PIK3C2G: variants seen among roughly 807,000 people sequenced by gnomAD.
PIK3C2G encodes the protein phosphatidylinositol-4-phosphate 3-kinase catalytic subunit type 2 gamma.
A neutral mutation model predicts 181.1 loss-of-function variants in PIK3C2G; 168 were observed. The observed-to-expected ratio is 0.93, with a 90% CI of 0.82 to 1.05. The LOEUF (loss-of-function observed/expected upper bound fraction) is 1.05. Ranked by LOEUF, PIK3C2G falls within the 50% of genes least tolerant of loss-of-function variation. The probability of loss-of-function intolerance (pLI) is 0.00; values close to 1 mark genes in which losing one functional copy is unlikely to be tolerated. For synonymous variants in PIK3C2G, 573 were observed against 592.2 expected (o/e 0.97, Z 0.47); for missense variants, 1,869 against 1,732.8 (o/e 1.08, Z -1.40).
At chr12:18,380,648 G>T (rs1178461248) in intron 13 of PIK3C2G, among the ~76,000 whole-genome samples, 1 of 152,132 alleles carries the variant, frequency 6.6e-6, no homozygotes, top group Non-Finnish European at 1.5e-5. Context: ...AAACAAAGAA[G>T]ACCCAAAATT....
chr12:18,707,460 C>T, the PIK3C2G span, among the ~76,000 whole-genome samples: 1 of 152,186 alleles, frequency 6.6e-6, no homozygotes, highest in Admixed American at 6.5e-5. Context: ...GATCCTCTTT[C>T]TTTTATCTTC....
At chr12:18,603,800 C>A (rs998050890) in intron 30 of PIK3C2G, among the ~76,000 whole-genome samples, 2 of 152,122 alleles carry the variant, frequency 1.3e-5, no homozygotes, top group African/African-American at 4.8e-5. Flanking sequence ...AAGATACAGT[C>A]TTTTTCAGAC....
At chr12:18,571,474 A>G (rs1370822640) in intron 29 of PIK3C2G, among the ~76,000 whole-genome samples, 1 of 150,832 alleles carries the variant, frequency 6.6e-6, no homozygotes, top group Non-Finnish European at 1.5e-5. Context: ...TTATACATCT[A>G]ACTACTTCTC....
the PIK3C2G span, among the ~76,000 whole-genome samples, chr12:18,723,151 A>G: frequency 6.6e-6 from 1 of 152,052 alleles, no homozygotes; most frequent in African/African-American, 2.4e-5. Flanking sequence ...AAAGGTATCA[A>G]TTCTATAAAA....
In PIK3C2G at chr12:18,431,962, G is replaced by C. The variant is rs12312841; in HGVS notation, c.2504+7923G>C. ...CAACCTGAAGGAAAAGAGGCAGATA[G>C]TGGTAACAAGGTTTCCTTTGTACAC... On this transcript the variant is annotated intron_variant, in intron 18 of 32. Transcript: ENST00000538779. Among the ~76,000 whole-genome samples, 516 of 152,292 alleles carry C rather than the reference G, an allele frequency of 3.4e-3. 2 individuals are homozygous for C. Among genetic ancestry groups the C allele is most frequent in the African/African-American group, 0.012 (481 of 41,564 alleles).
chr12:18,674,855 A>G, the PIK3C2G span, among the ~76,000 whole-genome samples: 1 of 152,108 alleles, frequency 6.6e-6, no homozygotes, highest in Admixed American at 6.6e-5. Flanking sequence ...CGCTTAGAAC[A>G]CTTCCACCAG....
At chr12:18,454,530 G>A (rs994669414) in intron 18 of PIK3C2G, among the ~76,000 whole-genome samples, 11 of 152,156 alleles carry the variant, frequency 7.2e-5, no homozygotes, top group African/African-American at 2.7e-4. Flanking sequence ...AAAAGATCAT[G>A]CAGGGTCTTG....
At chr12:18,309,313 T>A (rs1438444851) in intron 5 of PIK3C2G, among the ~76,000 whole-genome samples, 1 of 151,810 alleles carries the variant, frequency 6.6e-6, no homozygotes, top group East Asian at 1.9e-4. Context: ...CCATAAAATA[T>A]CAAAAAGTTC....
chr12:18,437,817 A>G (rs1946528769), intron 18 of PIK3C2G, among the ~76,000 whole-genome samples: 1 of 151,990 alleles, frequency 6.6e-6, no homozygotes, highest in Admixed American at 6.6e-5. Flanking sequence ...TAGATATTAT[A>G]GGGACAGCTG....
At chr12:18,383,991 T>TA (rs1592122574) in intron 14 of PIK3C2G, among the ~76,000 whole-genome samples, 7 of 146,752 alleles carry the variant, frequency 4.8e-5, no homozygotes, top group African/African-American at 1.8e-4. Context: ...ATTATTATTT[T>TA]TTTTTTTTTT....
At chr12:18,582,669 C>T (rs1443263410) in intron 29 of PIK3C2G, among the ~76,000 whole-genome samples, 3 of 152,168 alleles carry the variant, frequency 2.0e-5, no homozygotes, top group Admixed American at 2.0e-4. Flanking sequence ...GAATTTCAGT[C>T]AGTCACTACG....
intron 16 of PIK3C2G, among the ~76,000 whole-genome samples, chr12:18,408,140 T>C (rs1167520225): frequency 1.3e-5 from 2 of 152,176 alleles, no homozygotes; most frequent in Non-Finnish European, 2.9e-5. Context: ...TCTTTGCCCA[T>C]GACTATGTTC....
intron 24 of PIK3C2G, among the ~76,000 whole-genome samples, chr12:18,529,180 C>T (rs563436906): frequency 6.6e-6 from 1 of 150,428 alleles, no homozygotes. Flanking sequence ...ATATTAAATT[C>T]ATACCTTTAA....
chr12:18,367,002 C>A, intron 12 of PIK3C2G, among the ~76,000 whole-genome samples: 1 of 152,016 alleles, frequency 6.6e-6, no homozygotes, highest in East Asian at 1.9e-4. Flanking sequence ...CAGTAACTAT[C>A]CACTGTAACT....
intron 11 of PIK3C2G, among the ~76,000 whole-genome samples, chr12:18,356,342 A>C (rs1027083840): frequency 7.9e-5 from 12 of 152,158 alleles, no homozygotes; most frequent in African/African-American, 2.7e-4. Flanking sequence ...CATAGCTCTC[A>C]GCCCCTCACA....
intron 31 of PIK3C2G, among the ~76,000 whole-genome samples, chr12:18,632,781 G>A (rs1221758024): frequency 6.6e-6 from 1 of 152,154 alleles, no homozygotes; most frequent in African/African-American, 2.4e-5. Flanking sequence ...TTCTATTCAG[G>A]ATTTGATGCA....
intron 25 of PIK3C2G, among the ~76,000 whole-genome samples, chr12:18,542,159 C>G (rs1944189115): frequency 6.6e-6 from 1 of 151,772 alleles, no homozygotes; most frequent in Non-Finnish European, 1.5e-5. Context: ...TCAGACCTTA[C>G]AGAAGAAGCC....
chr12:18,608,556 GT>G lies in PIK3C2G; in HGVS notation c.4088-978del, dbSNP rs1442282673. Among the ~76,000 whole-genome samples, 770 of 126,544 alleles carry G rather than the reference GT, an allele frequency of 6.1e-3. 1 individual carries two copies. Among genetic ancestry groups the G allele is most frequent in the Middle Eastern group, 0.013 (3 of 234 alleles). 83.0% of individuals were successfully genotyped at this position (126,544 alleles called of 152,430 possible). On this transcript the variant is annotated intron_variant, in intron 30 of 32. Transcript: ENST00000538779. Reference sequence around the variant, plus strand: ...GGAGCATCACACACTGGGGCCTGTTGTGGGGTGGGGGGAGGGGGGAGGAATA... The same window carrying G: ...GGAGCATCACACACTGGGGCCTGTTGGGGGTGGGGGGAGGGGGGAGGAATA...
intron 29 of PIK3C2G, among the ~76,000 whole-genome samples, chr12:18,571,649 A>G (rs1042924622): frequency 1.3e-5 from 2 of 150,732 alleles, no homozygotes; most frequent in Non-Finnish European, 2.9e-5. Context: ...TTTCTTCTGT[A>G]TTACTAATAT....
Sources: gnomAD v4.1 joint callset for allele counts (sites outside exome capture counted in the v4.1 genomes callset) on GRCh38, gnomAD v4.1.1 for gene constraint, MANE v1.5 for transcripts, NCBI Gene and HGNC (gene_info 2026-07-23, HGNC 2026-07-21) for gene names.